Variants in ARHGEF10L observed in about 807,000 individuals in gnomAD.
The protein encoded by ARHGEF10L is rho guanine nucleotide exchange factor 10-like protein.
A neutral mutation model predicts 141.2 loss-of-function variants in ARHGEF10L; 69 were observed. That is an observed-to-expected ratio of 0.49 (90% CI 0.40 to 0.60). The LOEUF (loss-of-function observed/expected upper bound fraction) is 0.60. Among genes scored for constraint, ARHGEF10L ranks in the 20% least tolerant of loss-of-function variants. ARHGEF10L has a pLI of 0.00. For missense variants in ARHGEF10L, 1,482 were observed against 1,734.3 expected (o/e 0.85, Z 2.58); for synonymous variants, 711 against 718.5 (o/e 0.99, Z 0.17).
At chr1:17,606,798 G>A (rs1331255662) in intron 6 of ARHGEF10L, among the ~76,000 whole-genome samples, 1 of 152,190 alleles carries the variant, frequency 6.6e-6, no homozygotes, top group Admixed American at 6.5e-5. Context: ...AGATCCCCCA[G>A]TGACGGAGCT....
intron 2 of ARHGEF10L, among the ~76,000 whole-genome samples, chr1:17,586,710 C>G (rs767433803): frequency 6.6e-6 from 1 of 152,104 alleles, no homozygotes; most frequent in Non-Finnish European, 1.5e-5. Context: ...GGGATCCGAG[C>G]TTGGTGGGGA....
intron 15 of ARHGEF10L, 54 bp from the exon 16 acceptor site, chr1:17,632,267 G>A: frequency 2.1e-5 from 34 of 1,603,616 alleles, no homozygotes; most frequent in Non-Finnish European, 2.8e-5. Flanking sequence ...TCTCCGGCGC[G>A]GTAAAGCCGC....
In ARHGEF10L at chr1:17,607,719, G is replaced by A. The variant is rs2081305903; in HGVS notation, c.434-83G>A. 3 of 1,361,808 alleles carry A rather than the reference G, an allele frequency of 2.2e-6. No homozygotes were observed. Among genetic ancestry groups the A allele is most frequent in the Non-Finnish European group, 2.9e-6 (3 of 1,050,110 alleles). 84.4% of individuals were successfully genotyped at this position (1,361,808 alleles called of 1,614,324 possible). On this transcript the variant is annotated intron_variant, in intron 6 of 28. Coordinates refer to ENST00000361221, the MANE Select transcript of ARHGEF10L (RefSeq NM_018125.4). The surrounding 1 kb of genome is among the most constrained non-coding windows in gnomAD (Gnocchi z 4.5). Reference sequence around the variant, plus strand: ...CCCTGACCCCCCCTCGCCCCACCTGGGTTCAGAAATTGGGTCTGAGGCTGG... The same window carrying A: ...CCCTGACCCCCCCTCGCCCCACCTGAGTTCAGAAATTGGGTCTGAGGCTGG...
the ARHGEF10L span, among the ~76,000 whole-genome samples, chr1:17,518,293 C>T: frequency 6.6e-6 from 1 of 152,164 alleles, no homozygotes; most frequent in African/African-American, 2.4e-5. Flanking sequence ...ATTCACACAT[C>T]TGTGTGCAGA....
At chr1:17,676,136 GC>G (rs2063691726) in intron 26 of ARHGEF10L, among the ~76,000 whole-genome samples, 1 of 146,764 alleles carries the variant, frequency 6.8e-6, no homozygotes, top group Non-Finnish European at 1.5e-5. Context: ...AGGCGTGGGT[GC>G]AGGTGTAGGT....
intron 4 of ARHGEF10L, among the ~76,000 whole-genome samples, chr1:17,589,718 G>C (rs1222744701): frequency 2.0e-5 from 3 of 152,206 alleles, no homozygotes; most frequent in African/African-American, 7.2e-5. Context: ...CATTCGTCCT[G>C]CACCTGGGCT....
intron 15 of ARHGEF10L, among the ~76,000 whole-genome samples, chr1:17,630,484 TAGTG>T (rs1446398503): frequency 2.6e-5 from 4 of 152,076 alleles, no homozygotes; most frequent in Admixed American, 1.3e-4. Flanking sequence ...CTTGTGGAAA[TAGTG>T]AGGCGGAGCC....
intron 23 of ARHGEF10L, 45 bp from the exon 24 acceptor site, chr1:17,655,834 T>A: frequency 1.3e-6 from 2 of 1,528,758 alleles, no homozygotes; most frequent in South Asian, 2.4e-5. Context: ...CTCTGCTCCC[T>A]CCTGTGGTTC....
chr1:17,660,265 C>T (rs934570350), intron 25 of ARHGEF10L, among the ~76,000 whole-genome samples: 16 of 152,178 alleles, frequency 1.1e-4, no homozygotes, highest in African/African-American at 3.6e-4. Context: ...GGAGTCCCCC[C>T]TTGAGGAGGC....
chr1:17,661,503 T>G (rs1224639969), intron 25 of ARHGEF10L, among the ~76,000 whole-genome samples: 1 of 152,216 alleles, frequency 6.6e-6, no homozygotes, highest in African/African-American at 2.4e-5. Flanking sequence ...ATGGCATTCA[T>G]GCAGTCCTTA....
chr1:17,611,069 A>G (rs2059524148), intron 7 of ARHGEF10L, among the ~76,000 whole-genome samples: 1 of 151,996 alleles, frequency 6.6e-6, no homozygotes, highest in Non-Finnish European at 1.5e-5. Context: ...GAACTCATGG[A>G]TTCATTACAG....
the ARHGEF10L span, among the ~76,000 whole-genome samples, chr1:17,516,965 A>G: frequency 6.6e-6 from 1 of 152,158 alleles, no homozygotes; most frequent in Non-Finnish European, 1.5e-5. Context: ...ACCTGCATTT[A>G]ATTCTCCTGC....
At chr1:17,533,117 G>T in the ARHGEF10L span, among the ~76,000 whole-genome samples, 3 of 152,124 alleles carry the variant, frequency 2.0e-5, no homozygotes, top group African/African-American at 7.2e-5. Context: ...CCACTCAAGT[G>T]GCTCAAGTGA....
At chr1:17,556,121 C>T in intron 1 of ARHGEF10L, among the ~76,000 whole-genome samples, 1 of 56,172 alleles carries the variant, frequency 1.8e-5, no homozygotes, top group Non-Finnish European at 3.3e-5. Flanking sequence ...ATGGGGGGGG[C>T]CTGGAAACAC....
chr1:17,691,380 C>T (rs753463698), intron 27 of ARHGEF10L, among the ~76,000 whole-genome samples: 2 of 152,142 alleles, frequency 1.3e-5, no homozygotes, highest in Non-Finnish European at 2.9e-5. Context: ...CTTTCGGTTT[C>T]TTGCTTGCCT....
At position 17,558,181 on chromosome 1, in the gene ARHGEF10L, C is replaced by G. The variant is rs1256893036; in HGVS notation, c.-44+18231C>G. Among the ~76,000 whole-genome samples the G allele has an allele frequency of 6.6e-6, 1 of 151,986 alleles. No individual in the cohort carries two copies. ...TCCATCCATCTATGCATCCATCCAT[C>G]CATCCACCCATCCATCCATCCATCC... On this transcript the variant is annotated intron_variant, in intron 1 of 28. Transcript: ENST00000361221. This position sits in a 1 kb window ranked among gnomAD's most constrained non-coding sequence, Gnocchi z 4.2.
At chr1:17,595,338 G>A (rs1467707835) in intron 4 of ARHGEF10L, among the ~76,000 whole-genome samples, 2 of 151,578 alleles carry the variant, frequency 1.3e-5, no homozygotes, top group East Asian at 3.9e-4. Flanking sequence ...TGCCAGGGGT[G>A]CAGGGCCTCT....
chr1:17,567,752 G>A (rs1266630010), intron 1 of ARHGEF10L, among the ~76,000 whole-genome samples: 1 of 152,204 alleles, frequency 6.6e-6, no homozygotes, highest in Non-Finnish European at 1.5e-5. Context: ...TTTGCTTGAA[G>A]GGTCCATGTC....
At chr1:17,665,770 A>G (rs892526296) in intron 26 of ARHGEF10L, among the ~76,000 whole-genome samples, 8 of 152,174 alleles carry the variant, frequency 5.3e-5, no homozygotes, top group Non-Finnish European at 1.2e-4. Flanking sequence ...AAGTATATGT[A>G]TACACACGTA....
Sources: gnomAD v4.1 joint callset for allele counts (sites outside exome capture counted in the v4.1 genomes callset) on GRCh38, gnomAD v4.1.1 for gene constraint, Gnocchi (gnomAD v3.1) non-coding constraint, MANE v1.5 for transcripts, NCBI Gene and HGNC (gene_info 2026-07-23, HGNC 2026-07-21) for gene names.